Variants in ZNF780B observed in about 807,000 individuals in gnomAD.
ZNF780B encodes the protein zinc finger protein 779.
A neutral mutation model predicts 74.1 loss-of-function variants in ZNF780B; 52 were observed. The observed-to-expected ratio is 0.70, with a 90% CI of 0.56 to 0.88. The LOEUF (loss-of-function observed/expected upper bound fraction) is 0.88. Among genes scored for constraint, ZNF780B ranks in the 40% least tolerant of loss-of-function variants. ZNF780B has a pLI of 0.00. For synonymous variants in ZNF780B, 315 were observed against 324.3 expected (o/e 0.97, Z 0.31); for missense variants, 953 against 1,007.6 (o/e 0.95, Z 0.73).
chr19:40,040,825 T>C lies in ZNF780B; in HGVS notation c.233-4199A>G, dbSNP rs568464249. Among the ~76,000 whole-genome samples the C allele has an allele frequency of 7.8e-3, 1,187 of 152,324 alleles. 6 individuals carry two copies. The highest frequency in any genetic ancestry group is 0.012 in the Non-Finnish European group (791 of 68,030). ...TTTTCTTCTTTATTAGTCTTGCTAA[T>C]GGTCTTTCAATTTTGTTGATCTTTT... On this transcript the variant is annotated intron_variant, in intron 4 of 4. Coordinates refer to ENST00000434248, the MANE Select transcript of ZNF780B (RefSeq NM_001005851.3).
At chr19:40,050,232 C>G in intron 2 of ZNF780B, 92 bp downstream of exon 2, 1 of 921,056 alleles carries the variant, frequency 1.1e-6, no homozygotes, top group Non-Finnish European at 1.6e-6. Flanking sequence ...AATCGTGGAT[C>G]CTTACGTAAG....
chr19:40,043,229 C>T (rs940654490), intron 4 of ZNF780B, among the ~76,000 whole-genome samples: 4 of 152,330 alleles, frequency 2.6e-5, no homozygotes, highest in African/African-American at 7.2e-5. Flanking sequence ...GGCTGTAGAA[C>T]AGTGGATATT....
chr19:40,036,512 AAG>A lies in ZNF780B; in HGVS notation c.345_346del (p.Phe116LeufsTer3). ...ATATTCTGAGTCATTTCTAAAATAA[AAG>A]GCCTCGAGGCCAAGTGTTTTACTTA... On this transcript the variant is annotated frameshift_variant, in exon 5 of 5. Coordinates refer to ENST00000434248, the MANE Select transcript of ZNF780B (RefSeq NM_001005851.3). LOFTEE classifies it high-confidence loss of function. 1 of 1,608,298 alleles carries A rather than the reference AAG, an allele frequency of 6.2e-7. No individual in the cohort carries two copies. Among genetic ancestry groups the A allele is most frequent in the Non-Finnish European group, 8.5e-7 (1 of 1,177,796 alleles).
rs1397507025 is a variant in ZNF780B at position 40,036,649 on chromosome 19, A to C, written c.233-23T>G. 2.8e-6 allele frequency: 4 copies of C among 1,430,148 alleles called. No homozygotes were observed. In the Admixed American group the frequency reaches 7.9e-5, roughly 28 times the overall value. 88.6% of individuals were successfully genotyped at this position (1,430,148 alleles called of 1,614,324 possible). A position where few individuals can be genotyped will look rare whatever the true frequency, so the allele number is the denominator to read the frequency against. On this transcript the variant is annotated intron_variant, in intron 4 of 4. Coordinates refer to ENST00000434248, the MANE Select transcript of ZNF780B (RefSeq NM_001005851.3). ...AATCTGAAAGAAATGAAGAAGGCAA[A>C]CCTATTTTATTTTCCTATAACATAC...
intron 1 of ZNF780B, among the ~76,000 whole-genome samples, chr19:40,055,067 G>A (rs1423743364): frequency 6.6e-6 from 1 of 152,190 alleles, no homozygotes; most frequent in Non-Finnish European, 1.5e-5. Context: ...GGAAAAGGAG[G>A]CCTGTAAAGA....
chr19:40,036,451 T>C lies in ZNF780B; in HGVS notation c.408A>G (p.Glu136=). The C allele has an allele frequency of 1.2e-6, 2 of 1,609,472 alleles. No homozygotes were observed. Among genetic ancestry groups the C allele is most frequent in the Non-Finnish European group, 1.7e-6 (2 of 1,178,876 alleles). The change falls in exon 5 of 5, where the codon GAA becomes GAG. Residue 136 remains glutamate (E), a synonymous_variant. Coordinates refer to ENST00000434248, the MANE Select transcript of ZNF780B (RefSeq NM_001005851.3). ...SRFEGRQGHQ[E]GYINQKIISY... ...TGATGATCTTCTGGTTGATATATCCTTCTTGATGTCCCTGTCGTCCCTCAA... is the reference window on the plus strand; with the variant it reads ...TGATGATCTTCTGGTTGATATATCCCTCTTGATGTCCCTGTCGTCCCTCAA...
rs549001884 is a variant in ZNF780B at position 40,032,664 on chromosome 19, G to C, written c.*1693C>G. ...ACCCAGGAGGCAGAGCTTGCAGTGA[G>C]CCCAGATCGCACCACTGCACTCCAG... On this transcript the variant is annotated 3_prime_UTR_variant, in exon 5 of 5. Transcript: ENST00000434248. 292 of 150,572 alleles carry C rather than the reference G, an allele frequency of 1.9e-3. No homozygotes were observed. The highest frequency in any genetic ancestry group is 3.0e-3 in the Non-Finnish European group (209 of 70,326). 9.3% of individuals were successfully genotyped at this position (150,572 alleles called of 1,614,324 possible). A position where few individuals can be genotyped will look rare whatever the true frequency, so the allele number is the denominator to read the frequency against.
chr19:40,054,996 G>T (rs2144862723), intron 1 of ZNF780B, among the ~76,000 whole-genome samples: 1 of 152,258 alleles, frequency 6.6e-6, no homozygotes, highest in East Asian at 1.9e-4. Flanking sequence ...ATCACTTTCC[G>T]ATTCCTGAAA....
chr19:40,049,988 G>C (rs1888460274), intron 2 of ZNF780B, among the ~76,000 whole-genome samples: 1 of 152,016 alleles, frequency 6.6e-6, no homozygotes, highest in South Asian at 2.1e-4. Flanking sequence ...ATGAGGTCAG[G>C]AGATCGAGAC....
At chr19:40,047,508 T>C in intron 3 of ZNF780B, 38 bp from the exon 4 acceptor site, 1 of 1,487,348 alleles carries the variant, frequency 6.7e-7, no homozygotes, top group Non-Finnish European at 9.0e-7. Flanking sequence ...ATTTTTTTAA[T>C]ATAAAAATTT....
intron 1 of ZNF780B, among the ~76,000 whole-genome samples, chr19:40,054,045 CGGAAG>C (rs1385634082): frequency 2.0e-5 from 3 of 152,120 alleles, no homozygotes; most frequent in Non-Finnish European, 2.9e-5. Flanking sequence ...CCCAGCTACT[CGGAAG>C]GCTGGGGCAG....
intron 2 of ZNF780B, chr19:40,049,185 G>T: frequency 1.2e-5 from 2 of 169,308 alleles, no homozygotes; most frequent in South Asian, 2.4e-4. Flanking sequence ...AGCGAAGTGT[G>T]ATGGCACTAC....
chr19:40,054,331 TCTACTATTAATAA>T (rs1463188242), intron 1 of ZNF780B, among the ~76,000 whole-genome samples: 3 of 152,154 alleles, frequency 2.0e-5, no homozygotes, highest in South Asian at 2.1e-4. Context: ...CAACAACGTA[TCTACTATTAATAA>T]CTACTATTAA....
At position 40,048,659 on chromosome 19, in the gene ZNF780B, A is replaced by T; in HGVS notation, c.136+11T>A. On this transcript the variant is annotated intron_variant, in intron 3 of 4. Transcript: ENST00000434248. ...AACAGATACAAAAATAACTGGGACC[A>T]ATGACCTTACCCAGTGATATCAGGT... The T allele has an allele frequency of 6.2e-7, 1 of 1,614,164 alleles. No homozygotes were observed. The highest frequency in any genetic ancestry group is 8.5e-7 in the Non-Finnish European group (1 of 1,180,020).
chr19:40,044,579 A>G lies in ZNF780B; in HGVS notation c.232+2796T>C, dbSNP rs192754290. ...TCTTTCCCAGACAGCAAAAGGTGAC[A>G]GAATTCATCACCACTGGACCAACCC... is the stretch of plus-strand genomic sequence containing the variant. On this transcript the variant is annotated intron_variant, in intron 4 of 4. Transcript: ENST00000434248. 7.8e-3 allele frequency among the ~76,000 whole-genome samples: 1,191 copies of G among 152,368 alleles called. 6 individuals are homozygous for G. Among genetic ancestry groups the G allele is most frequent in the Non-Finnish European group, 0.012 (793 of 68,038 alleles).
intron 4 of ZNF780B, among the ~76,000 whole-genome samples, chr19:40,042,899 A>G (rs1414564949): frequency 6.6e-6 from 1 of 152,176 alleles, no homozygotes; most frequent in African/African-American, 2.4e-5. Context: ...TCTTCTCTCA[A>G]CTTGTCAAAG....
intron 4 of ZNF780B, among the ~76,000 whole-genome samples, chr19:40,044,307 C>A (rs1972827144): frequency 6.6e-6 from 1 of 152,058 alleles, no homozygotes; most frequent in Non-Finnish European, 1.5e-5. Context: ...AGATACAATA[C>A]AAAAAGGTCT....
chr19:40,034,208 C>T lies in ZNF780B; in HGVS notation c.*149G>A. 1 of 715,706 alleles carries T rather than the reference C, an allele frequency of 1.4e-6. No individual in the cohort carries two copies. Among genetic ancestry groups the T allele is most frequent in the Non-Finnish European group, 2.4e-6 (1 of 418,184 alleles). The allele number at this position is 715,706 out of a possible 1,614,324, so 44.3% of individuals were successfully genotyped here. On this transcript the variant is annotated 3_prime_UTR_variant, in exon 5 of 5. Transcript: ENST00000434248. ...ATGGTTTCTCACCAGTATGAATTCT[C>T]TGATGTACTCTAAGGTTTCTACCAC... is the stretch of plus-strand genomic sequence containing the variant.
intron 4 of ZNF780B, among the ~76,000 whole-genome samples, chr19:40,046,136 TG>T (rs1436655464): frequency 2.0e-5 from 3 of 152,158 alleles, no homozygotes; most frequent in African/African-American, 7.2e-5. Context: ...AGTTGGTTAA[TG>T]TTACAAACAT....
Sources: gnomAD v4.1 joint callset for allele counts (sites outside exome capture counted in the v4.1 genomes callset) on GRCh38, gnomAD v4.1.1 for gene constraint, MANE v1.5 for transcripts, NCBI Gene and HGNC (gene_info 2026-07-23, HGNC 2026-07-21) for gene names.